The following DENND3 variants were observed in gnomAD, a reference collection of about 807,000 sequenced individuals.
DENND3 encodes DENN domain-containing protein 3.
A neutral mutation model predicts 135.1 loss-of-function variants in DENND3; 88 were observed. The ratio of observed to expected loss-of-function variants is 0.65; its 90% CI spans 0.55 to 0.78. DENND3 has a LOEUF of 0.78. Ranked by LOEUF, DENND3 falls within the 30% of genes least tolerant of loss-of-function variation. DENND3 has a pLI of 0.00. For missense variants in DENND3, 1,392 were observed against 1,688.4 expected, an observed-to-expected ratio of 0.82 and a Z score of 3.08; for synonymous variants, 693 against 712.3, an observed-to-expected ratio of 0.97 and a Z score of 0.43.
At chr8:141,189,565 G>A (rs1824413010) in intron 19 of DENND3, among the ~76,000 whole-genome samples, 2 of 152,346 alleles carry the variant, frequency 1.3e-5, no homozygotes, top group African/African-American at 2.4e-5. Context: ...CACTGGACAC[G>A]GGGCATCCAG....
At chr8:141,192,881 T>A in intron 22 of DENND3, 4 of 1,509,056 alleles carry the variant, frequency 2.7e-6, no homozygotes, top group Non-Finnish European at 3.5e-6. Flanking sequence ...CCACAGCGCA[T>A]TCCCCCAAAC....
chr8:141,145,822 TATATATATATATATATATATATA>T (rs1180892211), intron 5 of DENND3, among the ~76,000 whole-genome samples: 113 of 33,522 alleles, frequency 3.4e-3, no homozygotes, highest in African/African-American at 0.012. Context: ...TATATATATA[TATATATATATATATATATATATA>T]TATATGTATT....
intron 6 of DENND3, 65 bp downstream of exon 6, chr8:141,151,018 G>A (rs369724822): frequency 1.9e-5 from 28 of 1,454,194 alleles, no homozygotes; most frequent in East Asian, 1.5e-4. Context: ...TCAGAGCAAC[G>A]ATCAGAGATG....
intron 18 of DENND3, among the ~76,000 whole-genome samples, chr8:141,188,057 A>G (rs759081439): frequency 5.3e-5 from 8 of 151,616 alleles, no homozygotes; most frequent in Non-Finnish European, 7.4e-5. Flanking sequence ...GCGTGGTGGC[A>G]TCAGCCAGGC....
intron 13 of DENND3, among the ~76,000 whole-genome samples, chr8:141,173,142 C>T (rs755500773): frequency 4.0e-5 from 6 of 149,110 alleles, no homozygotes; most frequent in Non-Finnish European, 7.4e-5. Flanking sequence ...CCATGCTCTT[C>T]GCGACCTCAC....
rs1406137178 is a variant in DENND3, at chr8:141,183,739, T to TTG, written c.2945-1399_2945-1398insGT. 3.6e-3 allele frequency among the ~76,000 whole-genome samples: 515 copies of TTG among 143,364 alleles called. 1 individual carries two copies. Among genetic ancestry groups the TTG allele is most frequent in the African/African-American group, 0.014 (483 of 34,204 alleles). The allele number at this position is 143,364 out of a possible 152,430, so 94.1% of individuals were successfully genotyped here. A position where few individuals can be genotyped will look rare whatever the true frequency, so the allele number is the denominator to read the frequency against. ...GACACTGTCAGTTTTTTGTTTTGTTTTTTTTTTTTTTTAATTTAAAAAAAA... is the reference window on the plus strand; with the variant it reads ...GACACTGTCAGTTTTTTGTTTTGTTTTGTTTTTTTTTTTTAATTTAAAAAAAA... On this transcript the variant is annotated intron_variant, in intron 17 of 22. Coordinates refer to ENST00000519811, the MANE Select transcript of DENND3 (RefSeq NM_001352890.3).
chr8:141,148,362 C>T (rs530785528), intron 5 of DENND3, among the ~76,000 whole-genome samples: 13 of 152,258 alleles, frequency 8.5e-5, no homozygotes, highest in African/African-American at 1.9e-4. Flanking sequence ...GACCAACAGC[C>T]GGAGCAGGGC....
intron 17 of DENND3, among the ~76,000 whole-genome samples, chr8:141,183,919 G>A (rs1395936983): frequency 2.0e-5 from 3 of 152,122 alleles, no homozygotes; most frequent in African/African-American, 7.2e-5. Context: ...CGTGCTTTCC[G>A]CCAGGGGTCT....
chr8:141,164,125 C>T (rs1366207965), intron 10 of DENND3, among the ~76,000 whole-genome samples: 7 of 152,106 alleles, frequency 4.6e-5, no homozygotes, highest in Non-Finnish European at 1.0e-4. Context: ...CAGAGTCTTG[C>T]GCTGTGCAGT....
At chr8:141,183,353 C>T (rs1316640402) in intron 17 of DENND3, among the ~76,000 whole-genome samples, 1 of 152,106 alleles carries the variant, frequency 6.6e-6, no homozygotes, top group Non-Finnish European at 1.5e-5. Context: ...TCTAGCGATC[C>T]TCCGCCCTCG....
At chr8:141,151,934 G>A in intron 7 of DENND3, 97 bp downstream of exon 7, 1 of 1,455,284 alleles carries the variant, frequency 6.9e-7, no homozygotes, top group African/African-American at 1.4e-5. Context: ...CGCGGTGAAG[G>A]CGGGGTCTGT....
intron 1 of DENND3, among the ~76,000 whole-genome samples, chr8:141,132,953 G>A (rs1816309502): frequency 6.6e-6 from 1 of 152,192 alleles, no homozygotes; most frequent in Non-Finnish European, 1.5e-5. Flanking sequence ...TGCTAAATGT[G>A]GGGACAGAGA....
At chr8:141,177,095 G>A (rs954955475) in intron 15 of DENND3, 5 of 267,604 alleles carry the variant, frequency 1.9e-5, no homozygotes, top group Admixed American at 5.0e-5. Context: ...GTCCACACCC[G>A]CAGGCCGGAG....
At chr8:141,145,756 A>G (rs1271683273) in intron 5 of DENND3, among the ~76,000 whole-genome samples, 1 of 147,210 alleles carries the variant, frequency 6.8e-6, no homozygotes. Flanking sequence ...ATTTATTCAA[A>G]TTACAGATTT....
chr8:141,164,361 A>G (rs1266032339), intron 10 of DENND3, among the ~76,000 whole-genome samples: 1 of 152,216 alleles, frequency 6.6e-6, no homozygotes, highest in East Asian at 1.9e-4. Flanking sequence ...CTGGCAGGCG[A>G]TTGAAGCTGC....
intron 16 of DENND3, 73 bp from the exon 17 acceptor site, chr8:141,180,674 T>C (rs1212405171): frequency 1.5e-6 from 2 of 1,335,876 alleles, no homozygotes; most frequent in East Asian, 2.4e-5. Flanking sequence ...GAAATCAGAG[T>C]GCGTGAGGCC....
chr8:141,160,415 G>A (rs1186001902), intron 8 of DENND3, among the ~76,000 whole-genome samples: 2 of 152,118 alleles, frequency 1.3e-5, no homozygotes, highest in African/African-American at 2.4e-5. Flanking sequence ...CCTGACCTCA[G>A]GTGATCCACC....
intron 5 of DENND3, among the ~76,000 whole-genome samples, chr8:141,147,492 G>A (rs1170837784): frequency 2.0e-5 from 3 of 152,138 alleles, no homozygotes; most frequent in Non-Finnish European, 4.4e-5. Flanking sequence ...TGAAGGTGCC[G>A]CCACAGGGCC....
At chr8:141,183,419 A>AT (rs1224506549) in intron 17 of DENND3, among the ~76,000 whole-genome samples, 4,949 of 121,592 alleles carry the variant, frequency 0.041, 184 homozygotes, top group African/African-American at 0.089. Context: ...CAATTTTTGT[A>AT]TTTTTTTTTT....
Sources: gnomAD v4.1 joint callset for allele counts (sites outside exome capture counted in the v4.1 genomes callset) on GRCh38, gnomAD v4.1.1 for gene constraint, MANE v1.5 for transcripts, NCBI Gene and HGNC (gene_info 2026-07-23, HGNC 2026-07-21) for gene names.